The following ACTR3C variants were observed in gnomAD, a reference collection of about 807,000 sequenced individuals.
The protein encoded by ACTR3C is actin-related protein 3C.
In ACTR3C, 18 loss-of-function variants were observed where a neutral mutation model predicts 26.3. The observed-to-expected ratio is 0.68, with a 90% CI of 0.47 to 1.01. The LOEUF (loss-of-function observed/expected upper bound fraction) is 1.01, where lower values mean the gene tolerates loss of function less well. ACTR3C is among the 50% of genes least tolerant of loss of function. The pLI is 0.00. For missense variants in ACTR3C, 184 were observed against 250.7 expected, an observed-to-expected ratio of 0.73 and a Z score of 1.80; for synonymous variants, 55 against 94.5, an observed-to-expected ratio of 0.58 and a Z score of 2.42.
intron 1 of ACTR3C, among the ~76,000 whole-genome samples, chr7:150,313,966 G>T (rs986396576): frequency 5.9e-5 from 9 of 152,204 alleles, no homozygotes; most frequent in Non-Finnish European, 1.3e-4. Flanking sequence ...TGGCAGAAAT[G>T]AACAACTCGA....
the ACTR3C span, among the ~76,000 whole-genome samples, chr7:149,966,443 TA>T: frequency 7.7e-4 from 117 of 152,326 alleles, 1 homozygote; most frequent in Admixed American, 3.1e-3. Context: ...AGAAGGTCTT[TA>T]AAAGAGAATT....
the ACTR3C span, among the ~76,000 whole-genome samples, chr7:150,038,996 A>G: frequency 3.7e-3 from 312 of 83,908 alleles, 63 homozygotes; most frequent in South Asian, 0.054. Context: ...GGGTCCTCAG[A>G]GCCGGGGGGC....
At chr7:150,182,178 A>T in the ACTR3C span, among the ~76,000 whole-genome samples, 1 of 150,568 alleles carries the variant, frequency 6.6e-6, no homozygotes, top group African/African-American at 2.5e-5. Context: ...ACGAACAAGC[A>T]GAAAAACAGT....
At chr7:149,887,363 C>G in the ACTR3C span, among the ~76,000 whole-genome samples, 2 of 152,178 alleles carry the variant, frequency 1.3e-5, no homozygotes, top group Non-Finnish European at 2.9e-5. Context: ...ATGTAACCTC[C>G]TTATTACCTT....
the ACTR3C span, among the ~76,000 whole-genome samples, chr7:150,112,328 T>C: frequency 6.6e-6 from 1 of 152,224 alleles, no homozygotes; most frequent in Non-Finnish European, 1.5e-5. Flanking sequence ...TCCATAATTC[T>C]AATTCCAAAT....
At chr7:149,927,345 G>A in the ACTR3C span, among the ~76,000 whole-genome samples, 4 of 150,886 alleles carry the variant, frequency 2.7e-5, no homozygotes, top group African/African-American at 7.3e-5. Flanking sequence ...GAACTGGGCC[G>A]TTCTCCTGAG....
chr7:149,999,739 A>G, the ACTR3C span, among the ~76,000 whole-genome samples: 22 of 151,238 alleles, frequency 1.5e-4, no homozygotes, highest in African/African-American at 5.1e-4. Context: ...GTGTGGAGAC[A>G]GGCAGCTGCA....
At chr7:150,069,626 T>G in the ACTR3C span, among the ~76,000 whole-genome samples, 3 of 151,780 alleles carry the variant, frequency 2.0e-5, no homozygotes, top group Non-Finnish European at 4.4e-5. Context: ...CAGGGAGAGC[T>G]TGGGCATGTG....
the ACTR3C span, among the ~76,000 whole-genome samples, chr7:150,048,812 C>G: frequency 6.6e-6 from 1 of 152,154 alleles, no homozygotes; most frequent in Non-Finnish European, 1.5e-5. Context: ...GGAGGCCGCC[C>G]TCCCTCCACA....
the ACTR3C span, among the ~76,000 whole-genome samples, chr7:150,179,402 AAGAT>A: frequency 7.5e-6 from 1 of 133,982 alleles, no homozygotes; most frequent in East Asian, 2.2e-4. Context: ...TCCTTCCAGA[AAGAT>A]AGACACAACA....
the ACTR3C span, among the ~76,000 whole-genome samples, chr7:150,048,210 C>T: frequency 1.3e-4 from 20 of 152,148 alleles, no homozygotes; most frequent in Admixed American, 1.2e-3. Flanking sequence ...AAACATAAAG[C>T]GAGGGAAATG....
the ACTR3C span, among the ~76,000 whole-genome samples, chr7:150,179,767 A>C: frequency 2.1e-3 from 322 of 151,888 alleles, no homozygotes; most frequent in Non-Finnish European, 1.7e-3. Flanking sequence ...CTGGGATTAC[A>C]GCTAGGCATA....
chr7:150,136,254 G>T, the ACTR3C span, among the ~76,000 whole-genome samples: 2 of 152,142 alleles, frequency 1.3e-5, no homozygotes, highest in African/African-American at 4.8e-5. Context: ...GACATGAAGC[G>T]GTAGCGTCTC....
the ACTR3C span, among the ~76,000 whole-genome samples, chr7:149,927,976 G>A: frequency 2.6e-5 from 4 of 152,008 alleles, no homozygotes; most frequent in African/African-American, 9.7e-5. Flanking sequence ...ATTCTAGGTT[G>A]GTAATTTTAC....
chr7:150,251,161 T>G (rs550642511), intron 6 of ACTR3C, among the ~76,000 whole-genome samples: 1 of 152,218 alleles, frequency 6.6e-6, no homozygotes, highest in Non-Finnish European at 1.5e-5. Context: ...CAGATCAGCA[T>G]CAGATCTAGA....
At chr7:149,970,185 T>C in the ACTR3C span, among the ~76,000 whole-genome samples, 1 of 151,948 alleles carries the variant, frequency 6.6e-6, no homozygotes, top group African/African-American at 2.4e-5. Context: ...TTAGACAGGT[T>C]TGAAATGCTA....
At chr7:150,283,853 G>A (rs1835547160) in intron 6 of ACTR3C, among the ~76,000 whole-genome samples, 1 of 150,140 alleles carries the variant, frequency 6.7e-6, no homozygotes, top group East Asian at 1.9e-4. Flanking sequence ...ACTCACTCAA[G>A]CAAAGACTGA....
chr7:150,122,570 T>C, the ACTR3C span, among the ~76,000 whole-genome samples: 1 of 152,168 alleles, frequency 6.6e-6, no homozygotes, highest in Non-Finnish European at 1.5e-5. Flanking sequence ...ATGGCGATCA[T>C]TAAAAAGTCA....
At chr7:150,198,833 G>A in the ACTR3C span, among the ~76,000 whole-genome samples, 11 of 142,372 alleles carry the variant, frequency 7.7e-5, no homozygotes, top group Admixed American at 2.7e-4. Flanking sequence ...CCGGCCAGCC[G>A]CCCCGTCTGG....
Sources: gnomAD v4.1 joint callset for allele counts (sites outside exome capture counted in the v4.1 genomes callset) on GRCh38, gnomAD v4.1.1 for gene constraint, MANE v1.5 for transcripts, NCBI Gene and HGNC (gene_info 2026-07-23, HGNC 2026-07-21) for gene names.